Variants in ADGRG2 observed in about 807,000 individuals in gnomAD.
ADGRG2 encodes the protein G protein-coupled receptor 64.
In ADGRG2, 26 loss-of-function variants were observed where a neutral mutation model predicts 74.1. That is an observed-to-expected ratio of 0.35 (90% CI 0.26 to 0.49). The LOEUF (loss-of-function observed/expected upper bound fraction) is 0.49. Ranked by LOEUF, ADGRG2 falls within the 20% of genes least tolerant of loss-of-function variation. The probability of loss-of-function intolerance (pLI) is 0.99; values close to 1 mark genes in which losing one functional copy is unlikely to be tolerated. For synonymous variants in ADGRG2, 296 were observed against 295.2 expected (o/e 1.00, Z -0.03); for missense variants, 619 against 763.1 (o/e 0.81, Z 2.22).
At chrX:19,039,190 G>A in intron 4 of ADGRG2, 1 of 330,886 alleles carries the variant, frequency 3.0e-6, no homozygotes, top group Non-Finnish European at 5.9e-6. Flanking sequence ...AGGCAGGAAG[G>A]TGGTGGCCAA....
chrX:18,991,168 A>G, intron 28 of ADGRG2, 120 bp from the exon 29 acceptor site: 1 of 380,662 alleles, frequency 2.6e-6, no homozygotes, highest in Non-Finnish European at 4.5e-6. Context: ...TTTTAAAAAC[A>G]TTTGTGATAT....
intron 3 of ADGRG2, among the ~76,000 whole-genome samples, chrX:19,047,503 TA>T (rs2061218171): frequency 8.9e-6 from 1 of 112,196 alleles, no homozygotes; most frequent in Non-Finnish European, 1.9e-5. Flanking sequence ...GTGGTACTAC[TA>T]TGAGTATTTA....
At chrX:19,053,476 T>C (rs1388982520) in intron 3 of ADGRG2, among the ~76,000 whole-genome samples, 1 of 111,589 alleles carries the variant, frequency 9.0e-6, no homozygotes, top group Non-Finnish European at 1.9e-5. Flanking sequence ...GAAGGCAGTG[T>C]GGCAGGTAGG....
chrX:19,056,229 C>T (rs192865490), intron 3 of ADGRG2, among the ~76,000 whole-genome samples: 19 of 111,626 alleles, frequency 1.7e-4, no homozygotes, highest in Admixed American at 8.6e-4. Context: ...TTAATTTGAG[C>T]GCTGTGAAGT....
chrX:19,104,278 C>T (rs1354969000), intron 1 of ADGRG2, among the ~76,000 whole-genome samples: 1 of 110,204 alleles, frequency 9.1e-6, no homozygotes, highest in Non-Finnish European at 1.9e-5. Flanking sequence ...TTTGTAGGAG[C>T]CCCCGGGATG....
chrX:19,088,487 TTTTG>T (rs1400979302), intron 1 of ADGRG2, among the ~76,000 whole-genome samples: 8 of 112,415 alleles, frequency 7.1e-5, no homozygotes, highest in South Asian at 3.7e-4. Context: ...CTTTTTTGTT[TTTTG>T]TTTGTTTATT....
chrX:19,022,189 T>C (rs2060604041), intron 13 of ADGRG2, among the ~76,000 whole-genome samples: 2 of 107,607 alleles, frequency 1.9e-5, no homozygotes. Flanking sequence ...CACTTGAACC[T>C]GGGAGGTGGA....
chrX:19,005,952 A>G, intron 22 of ADGRG2, 50 bp downstream of exon 22: 1 of 748,541 alleles, frequency 1.3e-6, no homozygotes, highest in South Asian at 2.1e-5. Flanking sequence ...TGTGATGCCC[A>G]GCTACCCCTC....
intron 3 of ADGRG2, among the ~76,000 whole-genome samples, chrX:19,049,621 T>C (rs1300037554): frequency 9.2e-6 from 1 of 108,546 alleles, no homozygotes; most frequent in Non-Finnish European, 1.9e-5. Context: ...TATGAGATTT[T>C]TTTGTGATTT....
At chrX:19,041,976 ATT>A (rs765976422) in intron 3 of ADGRG2, among the ~76,000 whole-genome samples, 1 of 110,106 alleles carries the variant, frequency 9.1e-6, no homozygotes, top group South Asian at 4.0e-4. Context: ...CACCTGGCTA[ATT>A]TTTTTATTTT....
intron 1 of ADGRG2, among the ~76,000 whole-genome samples, chrX:19,100,003 C>T (rs185910873): frequency 5.4e-5 from 6 of 111,518 alleles, no homozygotes; most frequent in African/African-American, 2.0e-4. Flanking sequence ...CCACTGCATC[C>T]AGCCTGGACA....
At chrX:19,057,671 C>T (rs1307405035) in intron 3 of ADGRG2, among the ~76,000 whole-genome samples, 2 of 109,663 alleles carry the variant, frequency 1.8e-5, no homozygotes, top group Non-Finnish European at 3.8e-5. Flanking sequence ...GAGACTTCAT[C>T]GCTACTAAAC....
chrX:19,108,974 C>A (rs144624898), intron 1 of ADGRG2, among the ~76,000 whole-genome samples: 4,796 of 110,884 alleles, frequency 0.043, 242 homozygotes, highest in African/African-American at 0.15. Flanking sequence ...CAGGCTGAGG[C>A]AGAAGGATCA....
intron 1 of ADGRG2, among the ~76,000 whole-genome samples, chrX:19,086,051 C>T (rs1276573932): frequency 9.0e-6 from 1 of 111,550 alleles, no homozygotes; most frequent in African/African-American, 3.3e-5. Flanking sequence ...TGCAAAAATG[C>T]CTGATGAATA....
intron 20 of ADGRG2, among the ~76,000 whole-genome samples, chrX:19,006,692 A>G (rs1445573505): frequency 9.1e-6 from 1 of 109,321 alleles, no homozygotes; most frequent in South Asian, 3.9e-4. Context: ...CTGATATCTG[A>G]TATTTCACAG....
Position 19,048,352 on chromosome X carries a change from G to A in ADGRG2, c.119-8128C>T, listed in dbSNP as rs759446240. On this transcript the variant is annotated intron_variant, in intron 3 of 28. Transcript: ENST00000379869. ...GCATTACTATATGACCGGGCACTGC[G>A]TAAATATTAGCTCATTTAGCCCTCA... 2.0e-4 allele frequency among the ~76,000 whole-genome samples: 23 copies of A among 112,530 alleles called. No individual in the cohort carries two copies. In the South Asian group the frequency reaches 4.4e-3, roughly 22 times the overall value.
chrX:19,072,484 CG>C (rs1201709861), intron 2 of ADGRG2, among the ~76,000 whole-genome samples: 1 of 111,784 alleles, frequency 8.9e-6, no homozygotes, highest in Non-Finnish European at 1.9e-5. Context: ...TTTGCTAACT[CG>C]TAGGGCAGGA....
chrX:19,022,426 A>C (rs1351993072), intron 13 of ADGRG2, among the ~76,000 whole-genome samples: 3 of 111,987 alleles, frequency 2.7e-5, no homozygotes, highest in African/African-American at 6.5e-5. Flanking sequence ...AAATACGTAC[A>C]GTGGACAGGG....
intron 1 of ADGRG2, among the ~76,000 whole-genome samples, chrX:19,115,547 G>A (rs2062495262): frequency 9.0e-6 from 1 of 111,550 alleles, no homozygotes; most frequent in Admixed American, 9.5e-5. Flanking sequence ...GTTCTGGGCA[G>A]GTAGCACAGC....
Sources: allele counts gnomAD v4.1 joint callset (sites outside exome capture counted in the v4.1 genomes callset), GRCh38; gene constraint gnomAD v4.1.1; transcripts MANE v1.5; gene names NCBI Gene and HGNC (gene_info 2026-07-23, HGNC 2026-07-21).